The following EYS variants were observed in gnomAD, a reference collection of about 807,000 sequenced individuals.
The protein encoded by EYS is protein eyes shut homolog.
Under a neutral mutation model 282.1 loss-of-function variants are expected in EYS, and 250 were observed. That is an observed-to-expected ratio of 0.89 (90% CI 0.80 to 0.98). EYS has a LOEUF of 0.98. Among genes scored for constraint, EYS ranks in the 50% least tolerant of loss-of-function variants. EYS has a pLI of 0.00. For synonymous variants in EYS, 1,355 were observed against 1,282.9 expected (o/e 1.06, Z -1.20); for missense variants, 4,016 against 3,709.0 (o/e 1.08, Z -2.15).
At chr6:64,227,082 A>G (rs1318749826) in intron 31 of EYS, among the ~76,000 whole-genome samples, 2 of 152,212 alleles carry the variant, frequency 1.3e-5, no homozygotes, top group Admixed American at 6.6e-5. Flanking sequence ...ACGCAATTAT[A>G]TATTTTTTCA....
intron 22 of EYS, among the ~76,000 whole-genome samples, chr6:64,751,223 C>A (rs895081902): frequency 6.6e-6 from 1 of 152,136 alleles, no homozygotes; most frequent in African/African-American, 2.4e-5. Flanking sequence ...CACATTTGCT[C>A]CCCTGGTTTT....
At chr6:63,834,911 A>G (rs190028272) in intron 36 of EYS, among the ~76,000 whole-genome samples, 49 of 151,900 alleles carry the variant, frequency 3.2e-4, no homozygotes, top group Middle Eastern at 6.8e-3. Flanking sequence ...AGGGACATGG[A>G]TGAAGCTGGA....
intron 30 of EYS, among the ~76,000 whole-genome samples, chr6:64,255,755 T>A (rs1448136237): frequency 6.6e-6 from 1 of 152,080 alleles, no homozygotes; most frequent in Non-Finnish European, 1.5e-5. Context: ...ATTAAAACGA[T>A]ATATTCACAT....
chr6:63,776,529 G>A (rs1770069032), intron 40 of EYS, among the ~76,000 whole-genome samples: 1 of 152,102 alleles, frequency 6.6e-6, no homozygotes, highest in Non-Finnish European at 1.5e-5. Flanking sequence ...GTTTTAGTGA[G>A]GAGCAATGGA....
intron 12 of EYS, among the ~76,000 whole-genome samples, chr6:65,151,478 G>A (rs1362390609): frequency 6.6e-6 from 1 of 151,988 alleles, no homozygotes; most frequent in Non-Finnish European, 1.5e-5. Flanking sequence ...ATTGGATTCA[G>A]GCTGCCTCAG....
At chr6:64,926,931 C>A (rs901129482) in intron 15 of EYS, among the ~76,000 whole-genome samples, 1 of 152,082 alleles carries the variant, frequency 6.6e-6, no homozygotes, top group African/African-American at 2.4e-5. Context: ...AGGCGATATA[C>A]GTCATGATTT....
At chr6:65,624,589 G>A (rs1766632601) in intron 2 of EYS, among the ~76,000 whole-genome samples, 1 of 152,100 alleles carries the variant, frequency 6.6e-6, no homozygotes, top group Non-Finnish European at 1.5e-5. Context: ...GTGTGCATAG[G>A]GAGAGGCAGA....
intron 31 of EYS, among the ~76,000 whole-genome samples, chr6:64,195,898 C>G (rs1222421953): frequency 2.6e-5 from 4 of 152,104 alleles, no homozygotes; most frequent in Non-Finnish European, 5.9e-5. Context: ...CAAATGGGAT[C>G]TCATTAAACT....
intron 15 of EYS, among the ~76,000 whole-genome samples, chr6:64,935,705 C>T (rs528542511): frequency 1.2e-4 from 18 of 151,634 alleles, no homozygotes; most frequent in Admixed American, 9.9e-4. Flanking sequence ...ATTATAAAGG[C>T]TAAATGAAAT....
intron 24 of EYS, among the ~76,000 whole-genome samples, chr6:64,604,079 T>A (rs538576721): frequency 2.6e-5 from 4 of 152,078 alleles, no homozygotes; most frequent in Admixed American, 1.3e-4. Flanking sequence ...TCCATCAAAT[T>A]TATGTGCTTC....
intron 1 of EYS, among the ~76,000 whole-genome samples, chr6:65,676,417 A>G (rs1404722883): frequency 6.6e-6 from 1 of 151,852 alleles, no homozygotes; most frequent in Non-Finnish European, 1.5e-5. Flanking sequence ...ATTATAAAAG[A>G]GTATTACAAA....
At chr6:64,623,437 A>G (rs1348403924) in intron 23 of EYS, among the ~76,000 whole-genome samples, 3 of 152,162 alleles carry the variant, frequency 2.0e-5, no homozygotes, top group African/African-American at 7.2e-5. Context: ...CTTATTAGAA[A>G]AATTAGGTAA....
rs1020281981 is a variant in EYS, at chr6:64,889,015, T to A, written c.2847-2173A>T. 2.0e-5 allele frequency among the ~76,000 whole-genome samples: 3 copies of A among 152,136 alleles called. No homozygotes were observed. The East Asian group carries it at 5.8e-4, about 29-fold the overall frequency. ...TCATGTACTTCTGACAGTTCTATTA[T>A]ATTTTTAGAAGTTTCAAAATCTACT... On this transcript the variant is annotated intron_variant, in intron 18 of 42. Transcript: ENST00000503581.
rs1343713896 is a variant in EYS at position 65,277,450 on chromosome 6, AATT to A, written c.2023+18410_2023+18412del. Among the ~76,000 whole-genome samples, 6 of 136,888 alleles carry A rather than the reference AATT, an allele frequency of 4.4e-5. 1 individual carries two copies. The South Asian group carries it at 7.1e-4, about 16-fold the overall frequency. 89.8% of individuals were successfully genotyped at this position (136,888 alleles called of 152,430 possible). ...CCGTCAAAAAAAAAAAAAGTTAATT[AATT>A]AAAAAAAAAAGCGCCCCGGAAAACT... On this transcript the variant is annotated intron_variant, in intron 12 of 42. Transcript: ENST00000503581.
intron 31 of EYS, among the ~76,000 whole-genome samples, chr6:64,155,624 G>A (rs1043941267): frequency 4.6e-5 from 7 of 152,104 alleles, no homozygotes; most frequent in South Asian, 2.1e-4. Flanking sequence ...GAAGGATACC[G>A]TGTAAACTTT....
At chr6:63,783,214 T>C (rs1032542602) in intron 39 of EYS, among the ~76,000 whole-genome samples, 17 of 152,366 alleles carry the variant, frequency 1.1e-4, no homozygotes, top group African/African-American at 3.8e-4. Flanking sequence ...TCCATATCAA[T>C]GAGCAGTAGT....
chr6:65,438,170 T>C (rs1335687608), intron 5 of EYS, among the ~76,000 whole-genome samples: 3 of 151,976 alleles, frequency 2.0e-5, no homozygotes, highest in Non-Finnish European at 4.4e-5. Flanking sequence ...TCCATGTCCC[T>C]ACAAAGGACA....
At chr6:64,294,292 G>A (rs1258468610) in intron 30 of EYS, among the ~76,000 whole-genome samples, 1 of 152,138 alleles carries the variant, frequency 6.6e-6, no homozygotes, top group African/African-American at 2.4e-5. Context: ...TCAGCATAAA[G>A]CTGACTGCAA....
At chr6:65,165,974 C>T (rs1181766831) in intron 12 of EYS, among the ~76,000 whole-genome samples, 1 of 150,718 alleles carries the variant, frequency 6.6e-6, no homozygotes, top group Non-Finnish European at 1.5e-5. Flanking sequence ...GTCCCATTAG[C>T]AACATCTTCA....
Sources: allele counts gnomAD v4.1 joint callset (sites outside exome capture counted in the v4.1 genomes callset), GRCh38; gene constraint gnomAD v4.1.1; transcripts MANE v1.5; gene names NCBI Gene and HGNC (gene_info 2026-07-23, HGNC 2026-07-21).